YY1AP1: variants seen among roughly 807,000 people sequenced by gnomAD.
YY1AP1 encodes the protein YY1-associated protein 1.
In YY1AP1, 43 loss-of-function variants were observed where a neutral mutation model predicts 39.9. The ratio of observed to expected loss-of-function variants is 1.08; its 90% CI spans 0.84 to 1.39. The LOEUF (loss-of-function observed/expected upper bound fraction) is 1.39. Ranked by LOEUF, YY1AP1 falls within the 40% of genes most tolerant of loss-of-function variation. The pLI is 0.00. For synonymous variants in YY1AP1, 292 were observed against 331.3 expected (o/e 0.88, Z 1.29); for missense variants, 813 against 900.7 (o/e 0.90, Z 1.25).
Position 155,680,122 on chromosome 1 carries a change from G to A in YY1AP1, c.21+294C>T, listed in dbSNP as rs749447404. The A allele has an allele frequency of 1.9e-4, 55 of 285,906 alleles. 1 individual carries two copies. The highest frequency in any genetic ancestry group is 3.4e-4 in the Non-Finnish European group (51 of 151,436). The allele number at this position is 285,906 out of a possible 1,614,324, so 17.7% of individuals were successfully genotyped here. A position where few individuals can be genotyped will look rare whatever the true frequency, so the allele number is the denominator to read the frequency against. On this transcript the variant is annotated intron_variant, in intron 3 of 10. Transcript: ENST00000355499. Reference sequence around the variant, plus strand: ...GAGCCCTGGAGGTCGAGGCTGCTGTGAGCTGAGATTTCACCACTGTATTCT... The same window carrying A: ...GAGCCCTGGAGGTCGAGGCTGCTGTAAGCTGAGATTTCACCACTGTATTCT...
At chr1:155,680,388 A>T (rs1651342739) in intron 3 of YY1AP1, 28 bp downstream of exon 3, 1 of 1,612,276 alleles carries the variant, frequency 6.2e-7, no homozygotes, top group Admixed American at 1.7e-5. Context: ...TTACAATCCC[A>T]TGTTCTCACT....
intron 5 of YY1AP1, among the ~76,000 whole-genome samples, chr1:155,676,312 TTGAAATC>T (rs1464574334): frequency 1.3e-5 from 2 of 152,208 alleles, no homozygotes; most frequent in Non-Finnish European, 2.9e-5. Flanking sequence ...TGAGGACTCT[TTGAAATC>T]TGTAATTCCG....
intron 4 of YY1AP1, among the ~76,000 whole-genome samples, chr1:155,678,909 C>T (rs1047170530): frequency 2.6e-5 from 4 of 152,200 alleles, no homozygotes; most frequent in African/African-American, 9.7e-5. Flanking sequence ...AAAGCCTCTA[C>T]TTTCTGGATG....
chr1:155,670,674 A>ATT, intron 7 of YY1AP1: 1 of 416,786 alleles, frequency 2.4e-6, no homozygotes, highest in Middle Eastern at 6.6e-4. Context: ...ATAAAAGTTG[A>ATT]CTTTTTTTTT....
chr1:155,688,286 G>A, intron 1 of YY1AP1, 85 bp from the exon 2 acceptor site: 3 of 1,583,454 alleles, frequency 1.9e-6, no homozygotes, highest in Non-Finnish European at 2.6e-6. Flanking sequence ...AACCGACACT[G>A]GGATCGTTTC....
chr1:155,688,917 C>A, upstream of YY1AP1: 1 of 1,613,204 alleles, frequency 6.2e-7, no homozygotes, highest in Non-Finnish European at 8.5e-7. Context: ...GGCCGAGTCC[C>A]ATGACAACCT....
At chr1:155,680,139 C>A in intron 3 of YY1AP1, 1 of 312,544 alleles carries the variant, frequency 3.2e-6, no homozygotes, top group Non-Finnish European at 6.0e-6. Flanking sequence ...GATTTCACCA[C>A]TGTATTCTCC....
intron 7 of YY1AP1, chr1:155,672,224 C>T (rs886138775): frequency 1.1e-5 from 4 of 365,298 alleles, no homozygotes; most frequent in Non-Finnish European, 2.1e-5. Context: ...ACCTGACTTT[C>T]ATCTTTACCA....
chr1:155,679,550 GGGC>G, intron 3 of YY1AP1, 38 bp from the exon 4 acceptor site: 1 of 1,613,896 alleles, frequency 6.2e-7, no homozygotes. Flanking sequence ...CCTGGGGAAT[GGGC>G]TTTTGAATGT....
At chr1:155,664,000 C>A (rs1322558057) in intron 9 of YY1AP1, among the ~76,000 whole-genome samples, 1 of 139,650 alleles carries the variant, frequency 7.2e-6, no homozygotes, top group Non-Finnish European at 1.5e-5. Context: ...CATAACGAGA[C>A]CATGTCTTAA....
At chr1:155,671,257 C>T (rs1649820163) in intron 7 of YY1AP1, among the ~76,000 whole-genome samples, 1 of 151,732 alleles carries the variant, frequency 6.6e-6, no homozygotes, top group Non-Finnish European at 1.5e-5. Flanking sequence ...ATAGTGAAAC[C>T]CCATCTCTAC....
At chr1:155,681,196 A>G (rs1481474297) in intron 2 of YY1AP1, among the ~76,000 whole-genome samples, 1 of 151,666 alleles carries the variant, frequency 6.6e-6, no homozygotes, top group Non-Finnish European at 1.5e-5. Context: ...ACGCCCAGCT[A>G]ATTTTGTGTT....
intron 9 of YY1AP1, among the ~76,000 whole-genome samples, chr1:155,665,010 T>A (rs1195015322): frequency 6.6e-6 from 1 of 151,798 alleles, no homozygotes; most frequent in South Asian, 2.1e-4. Flanking sequence ...GACCTCGTGA[T>A]CCACCCGCCT....
intron 7 of YY1AP1, 199 bp downstream of exon 7, chr1:155,672,361 C>T (rs1649993660): frequency 1.2e-5 from 10 of 858,212 alleles, no homozygotes; most frequent in Admixed American, 2.1e-5. Context: ...CCATGCCTTA[C>T]CCAGGCCCGG....
At chr1:155,687,693 G>A (rs1652677694) in intron 2 of YY1AP1, among the ~76,000 whole-genome samples, 1 of 146,680 alleles carries the variant, frequency 6.8e-6, no homozygotes, top group East Asian at 1.9e-4. Context: ...TTGTCACACA[G>A]GTAAAATCCC....
In YY1AP1 at chr1:155,659,692, C is replaced by G. The variant is rs7539; in HGVS notation, c.2218G>C (p.Glu740Gln). The G allele has an allele frequency of 0.029, 47,384 of 1,614,176 alleles. 809 individuals are homozygous for G. Among genetic ancestry groups the G allele is most frequent in the Non-Finnish European group, 0.034 (40,398 of 1,179,990 alleles). ...DLEEVVKMEP[E>Q]DATEEISGFL The stretch of plus-strand genomic sequence containing the variant: ...CCACTGATTTCCTCTGTAGCATCTT[C>G]AGGTTCCATCTTGACAACTTCCTCT... The change falls in exon 11 of 11, where the codon GAA becomes CAA. Residue 740 changes from glutamate (E) to glutamine (Q), a missense_variant. By Grantham distance (29) the Glu-to-Gln change is conservative. Transcript: ENST00000355499.
chr1:155,688,312 C>G (rs1558323259), intron 1 of YY1AP1, 111 bp from the exon 2 acceptor site: 1 of 1,561,300 alleles, frequency 6.4e-7, no homozygotes, highest in Non-Finnish European at 8.7e-7. Flanking sequence ...GCAAAGCGAA[C>G]CCAAAATGGC....
At chr1:155,667,674 C>T (rs915024752) in intron 9 of YY1AP1, among the ~76,000 whole-genome samples, 9 of 150,942 alleles carry the variant, frequency 6.0e-5, no homozygotes, top group Admixed American at 1.3e-4. Flanking sequence ...ATACAAAAAT[C>T]AGCTGGGCAT....
chr1:155,681,534 A>G (rs572729613), intron 2 of YY1AP1, among the ~76,000 whole-genome samples: 9 of 152,244 alleles, frequency 5.9e-5, no homozygotes, highest in East Asian at 1.9e-4. Flanking sequence ...GGCTGTAGTG[A>G]GCTGAGACCG....
Sources: gnomAD v4.1 joint callset for allele counts (sites outside exome capture counted in the v4.1 genomes callset) on GRCh38, gnomAD v4.1.1 for gene constraint, MANE v1.5 for transcripts, NCBI Gene and HGNC (gene_info 2026-07-23, HGNC 2026-07-21) for gene names.